The following MMP14 variants were observed in gnomAD, a reference collection of about 807,000 sequenced individuals.
The protein encoded by MMP14 is matrix metalloproteinase-14.
MMP14 carries 13 observed loss-of-function variants against 64.8 expected under a neutral mutation model. That is an observed-to-expected ratio of 0.20 (90% confidence interval 0.13 to 0.32). The LOEUF is 0.32. Ranked by LOEUF, MMP14 falls within the 10% of genes least tolerant of loss-of-function variation. MMP14 has a pLI of 1.00. For missense variants in MMP14, 594 were observed against 783.8 expected (o/e 0.76, Z 2.89); for synonymous variants, 322 against 315.9 (o/e 1.02, Z -0.20).
At position 22,843,909 on chromosome 14, in the gene MMP14, C is replaced by T. The variant is rs779280196; in HGVS notation, c.1011+39C>T. ...GGCTGGTTTGAAAGACAAAAGGGCC[C>T]TATGGGCTGGGCATGGTGGCTCATG... On this transcript the variant is annotated intron_variant, in intron 6 of 9. Coordinates refer to ENST00000311852, the MANE Select transcript of MMP14 (RefSeq NM_004995.4). The surrounding 1 kb of genome is among the most constrained non-coding windows in gnomAD (Gnocchi z 4.8). The T allele has an allele frequency of 2.8e-5, 45 of 1,598,992 alleles. No individual in the cohort carries two copies. In the South Asian group the frequency reaches 4.6e-4, roughly 16 times the overall value.
intron 8 of MMP14, 150 bp from the exon 9 acceptor site, chr14:22,845,101 C>G (rs1006219647): frequency 4.6e-6 from 3 of 652,458 alleles, no homozygotes; most frequent in Non-Finnish European, 8.0e-6. Flanking sequence ...CACCTTCCGC[C>G]GCTTTCAGCA....
At position 22,841,653 on chromosome 14, in the gene MMP14, C is replaced by T. The variant is rs546238476; in HGVS notation, c.257+14C>T. ...AGACACCATGAAGTAAGTGCTAGAC[C>T]CTGGCAGGAGTTCTGCCTAGCATCC... On this transcript the variant is annotated intron_variant, in intron 2 of 9. Transcript: ENST00000311852. 18 of 1,613,564 alleles carry T rather than the reference C, an allele frequency of 1.1e-5. No individual in the cohort carries two copies. In the African/African-American group the frequency reaches 1.6e-4, roughly 14 times the overall value.
rs2039796782 is a variant in MMP14, at chr14:22,844,408, T to G, written c.1049T>G (p.Met350Arg). The G allele has an allele frequency of 1.2e-6, 2 of 1,614,076 alleles. No homozygotes were observed. Among genetic ancestry groups the G allele is most frequent in the African/African-American group, 2.7e-5 (2 of 75,032 alleles). The change falls in exon 7 of 10, where the codon ATG becomes AGG. Residue 350 changes from methionine (M) to arginine (R), a missense_variant. Met to Arg is a moderately conservative substitution (Grantham distance 91, BLOSUM62 -1). Coordinates refer to ENST00000311852, the MANE Select transcript of MMP14 (RefSeq NM_004995.4). Reference protein sequence around the residue: ...WFWRVRNNQVMDGYPMPIGQF... With the variant: ...WFWRVRNNQVRDGYPMPIGQF... ...TGGCGGGTGAGGAATAACCAAGTGATGGATGGATACCCAATGCCCATTGGC... is the reference window on the plus strand; with the variant it reads ...TGGCGGGTGAGGAATAACCAAGTGAGGGATGGATACCCAATGCCCATTGGC...
chr14:22,843,153 C>G lies in MMP14; in HGVS notation c.689-104C>G. On this transcript the variant is annotated intron_variant, in intron 4 of 9. Transcript: ENST00000311852. This position sits in a 1 kb window ranked among gnomAD's most constrained non-coding sequence, Gnocchi z 4.8. Reference sequence around the variant, plus strand: ...GAATTTGGCCACTTTGGATTGAAAACATGGGCAGCAGGCTTGGAGGTGAAA... The same window carrying G: ...GAATTTGGCCACTTTGGATTGAAAAGATGGGCAGCAGGCTTGGAGGTGAAA... 1 of 1,362,518 alleles carries G rather than the reference C, an allele frequency of 7.3e-7. No homozygotes were observed. Among genetic ancestry groups the G allele is most frequent in the African/African-American group, 1.5e-5 (1 of 68,608 alleles). 84.4% of individuals were successfully genotyped at this position (1,362,518 alleles called of 1,614,324 possible).
intron 1 of MMP14, chr14:22,837,297 T>C (rs1277479711): frequency 4.2e-6 from 2 of 475,936 alleles, no homozygotes; most frequent in Non-Finnish European, 8.3e-6. Context: ...CCCCGCGCTG[T>C]CCCGGCTCCT....
At chr14:22,838,337 G>T (rs1348520211) in intron 1 of MMP14, among the ~76,000 whole-genome samples, 1 of 152,160 alleles carries the variant, frequency 6.6e-6, no homozygotes, top group East Asian at 1.9e-4. Flanking sequence ...TGCTTTGCTG[G>T]GTCCCCCAGG....
Position 22,844,479 on chromosome 14 carries a change from A to T in MMP14, c.1120A>T (p.Arg374Trp). 6.2e-7 allele frequency: 1 copy of T among 1,614,148 alleles called. No individual in the cohort carries two copies. The highest frequency in any genetic ancestry group is 8.5e-7 in the Non-Finnish European group (1 of 1,180,006). Residue 374 changes from arginine (R) to tryptophan (W), a missense_variant, in exon 7 of 10, where the codon AGG (arginine) becomes TGG (tryptophan). Coordinates refer to ENST00000311852, the MANE Select transcript of MMP14 (RefSeq NM_004995.4). Reference sequence around the variant, plus strand: ...TGCGTCCATCAACACTGCCTACGAGAGGAAGGATGGCAAATTCGTCTTCTT... The same window carrying T: ...TGCGTCCATCAACACTGCCTACGAGTGGAAGGATGGCAAATTCGTCTTCTT... ...LPASINTAYE[R>W]KDGKFVFFKG...
rs762359516 is a variant in MMP14 at position 22,842,510 on chromosome 14, G to A, written c.481G>A (p.Glu161Lys). ...WESATPLRFR[E>K]VPYAYIREGH... is the part of the protein sequence containing the mutation. ...GAGTGCCACACCACTGCGCTTCCGC[G>A]AGGTGCCCTATGCCTACATCCGTGA... The change falls in exon 4 of 10, where the codon GAG (glutamate) becomes AAG (lysine). Residue 161 changes from glutamate to lysine, a missense_variant. Glu to Lys is a moderately conservative substitution (Grantham distance 56). This residue lies in a region of MMP14 where 179 missense variants were observed against 283.4 expected (regional missense o/e 0.63). Transcript: ENST00000311852. The surrounding 1 kb of genome is among the most constrained non-coding windows in gnomAD (Gnocchi z 5.3). The A allele has an allele frequency of 2.5e-6, 4 of 1,613,924 alleles. No homozygotes were observed. Among genetic ancestry groups the A allele is most frequent in the Non-Finnish European group, 3.4e-6 (4 of 1,179,958 alleles).
Position 22,845,450 on chromosome 14 carries a change from G to T in MMP14, c.1417+84G>T, listed in dbSNP as rs992702780. 7.4e-6 allele frequency: 8 copies of T among 1,086,200 alleles called. No homozygotes were observed. In the Admixed American group the frequency reaches 1.6e-4, roughly 22 times the overall value. 67.3% of individuals were successfully genotyped at this position (1,086,200 alleles called of 1,614,324 possible). A position where few individuals can be genotyped will look rare whatever the true frequency, so the allele number is the denominator to read the frequency against. ...GAGCGGGAGGGAAGCCTGAGGGAGT[G>T]CTGTGTGGAAAACAACGGCGATGAT... On this transcript the variant is annotated intron_variant, in intron 9 of 9. Transcript: ENST00000311852.
chr14:22,838,743 T>C (rs948040375), intron 1 of MMP14, among the ~76,000 whole-genome samples: 2 of 152,096 alleles, frequency 1.3e-5, no homozygotes, highest in Non-Finnish European at 2.9e-5. Context: ...CTCCTCCCCA[T>C]GGCCTGTCTG....
At position 22,842,463 on chromosome 14, in the gene MMP14, G is replaced by C; in HGVS notation, c.434G>C (p.Arg145Pro). ...GAGTATGCCACATACGAGGCCATTC[G>C]CAAGGCGTTCCGCGTGTGGGAGAGT... is the stretch of plus-strand genomic sequence containing the variant. ...VGEYATYEAI[R>P]KAFRVWESAT... Residue 145 changes from arginine (R) to proline (P), a missense_variant, in exon 4 of 10, where the codon CGC becomes CCC. Around this residue, in one of 4 missense-constraint regions of MMP14, gnomAD observed 179 missense variants for 283.4 expected, o/e 0.63. Transcript: ENST00000311852. This position sits in a 1 kb window ranked among gnomAD's most constrained non-coding sequence, Gnocchi z 5.3. 6.2e-7 allele frequency: 1 copy of C among 1,614,046 alleles called. No individual in the cohort carries two copies. Among genetic ancestry groups the C allele is most frequent in the Non-Finnish European group, 8.5e-7 (1 of 1,180,006 alleles).
rs764349246 is a variant in MMP14, at chr14:22,841,472, CA to C, written c.109-18del. Reference sequence around the variant, plus strand: ...TGGGCCAGGTGGGGACACTCTAAGCCATACCCCTTTCCCTACAGGCCTGGCT... The same window carrying C: ...TGGGCCAGGTGGGGACACTCTAAGCCTACCCCTTTCCCTACAGGCCTGGCT... On this transcript the variant is annotated intron_variant, in intron 1 of 9. Transcript: ENST00000311852. 12 of 1,612,302 alleles carry C rather than the reference CA, an allele frequency of 7.4e-6. No individual in the cohort carries two copies. The highest frequency in any genetic ancestry group is 1.3e-5 in the African/African-American group (1 of 75,020).
At chr14:22,841,779 T>C in intron 2 of MMP14, 134 bp from the exon 3 acceptor site, 3 of 1,552,110 alleles carry the variant, frequency 1.9e-6, no homozygotes, top group Non-Finnish European at 2.6e-6. Flanking sequence ...GACCCTCTCA[T>C]ATTCACCCTG....
intron 6 of MMP14, 46 bp from the exon 7 acceptor site, chr14:22,844,325 A>C: frequency 6.2e-7 from 1 of 1,608,580 alleles, no homozygotes; most frequent in Non-Finnish European, 8.5e-7. Context: ...CCAGAGACCT[A>C]GGCCGCAAGA....
intron 8 of MMP14, among the ~76,000 whole-genome samples, 165 bp downstream of exon 8, chr14:22,844,945 C>A (rs1464854478): frequency 6.6e-6 from 1 of 152,118 alleles, no homozygotes; most frequent in Non-Finnish European, 1.5e-5. Context: ...CCTTTGGGCA[C>A]CGTGTGAGTG....
Position 22,836,737 on chromosome 14 carries a change from C to G in MMP14, c.-81C>G, listed in dbSNP as rs2039733537. The G allele has an allele frequency of 2.6e-6, 2 of 777,492 alleles. No individual in the cohort carries two copies. Among genetic ancestry groups the G allele is most frequent in the Admixed American group, 3.0e-5 (1 of 32,954 alleles). The allele number at this position is 777,492 out of a possible 1,614,324, so 48.2% of individuals were successfully genotyped here. On this transcript the variant is annotated 5_prime_UTR_variant, in exon 1 of 10. Coordinates refer to ENST00000311852, the MANE Select transcript of MMP14 (RefSeq NM_004995.4). ...GTGCCTACCGAAGACAAAGGCGCCC[C>G]GAGGGAGTGGCGGTGCGACCCCAGG...
At position 22,841,502 on chromosome 14, in the gene MMP14, G is replaced by A; in HGVS notation, c.120G>A (p.Gln40=). The A allele has an allele frequency of 1.2e-6, 2 of 1,613,918 alleles. No homozygotes were observed. Among genetic ancestry groups the A allele is most frequent in the Non-Finnish European group, 8.5e-7 (1 of 1,180,020 alleles). ...SSSFSPEAWL[Q]QYGYLPPGDL... ...CCCTTTCCCTACAGGCCTGGCTACAGCAATATGGCTACCTGCCTCCCGGGG... is the reference window on the plus strand; with the variant it reads ...CCCTTTCCCTACAGGCCTGGCTACAACAATATGGCTACCTGCCTCCCGGGG... The change falls in exon 2 of 10, where the codon CAG becomes CAA. Residue 40 remains glutamine (Q), a synonymous_variant. Coordinates refer to ENST00000311852, the MANE Select transcript of MMP14 (RefSeq NM_004995.4).
rs1012026545 is a variant in MMP14, at chr14:22,843,562, CAT to C, written c.850+145_850+146del. ...CCTCTATCAGCTCCACTTTTGAGCC[CAT>C]CTTTTGTGTCGCCTCCCAGTTGGTT... On this transcript the variant is annotated intron_variant, in intron 5 of 9. Transcript: ENST00000311852. This position sits in a 1 kb window ranked among gnomAD's most constrained non-coding sequence, Gnocchi z 4.8. 7.2e-7 allele frequency: 1 copy of C among 1,385,830 alleles called. No individual in the cohort carries two copies. Among genetic ancestry groups the C allele is most frequent in the Admixed American group, 2.2e-5 (1 of 46,058 alleles). The allele number at this position is 1,385,830 out of a possible 1,614,324, so 85.8% of individuals were successfully genotyped here.
In MMP14 at chr14:22,843,529, T is replaced by C; in HGVS notation, c.850+111T>C. The C allele has an allele frequency of 7.0e-7, 1 of 1,423,902 alleles. No individual in the cohort carries two copies. Among genetic ancestry groups the C allele is most frequent in the Non-Finnish European group, 9.5e-7 (1 of 1,047,238 alleles). The allele number at this position is 1,423,902 out of a possible 1,614,324, so 88.2% of individuals were successfully genotyped here. A position where few individuals can be genotyped will look rare whatever the true frequency, so the allele number is the denominator to read the frequency against. ...GTCTCCGCACCGCCCCCTGCCAACC[T>C]GCCCCTGCCTCTATCAGCTCCACTT... On this transcript the variant is annotated intron_variant, in intron 5 of 9. Transcript: ENST00000311852. This position sits in a 1 kb window ranked among gnomAD's most constrained non-coding sequence, Gnocchi z 4.8.
Sources: gnomAD v4.1 joint callset for allele counts (sites outside exome capture counted in the v4.1 genomes callset) on GRCh38, gnomAD v4.1.1 for gene constraint, gnomAD v4.1.1 regional missense constraint, Gnocchi (gnomAD v3.1) non-coding constraint, MANE v1.5 for transcripts, NCBI Gene and HGNC (gene_info 2026-07-23, HGNC 2026-07-21) for gene names.